CDH13: variants seen among roughly 807,000 people sequenced by gnomAD.
The protein encoded by CDH13 is cadherin-13.
Under a neutral mutation model 63.8 loss-of-function variants are expected in CDH13, and 24 were observed. The ratio of observed to expected loss-of-function variants is 0.38; its 90% CI spans 0.27 to 0.53. The LOEUF (loss-of-function observed/expected upper bound fraction) is 0.53. Among genes scored for constraint, CDH13 ranks in the 20% least tolerant of loss-of-function variants. The pLI is 0.85. For missense variants in CDH13, 1,049 were observed against 903.1 expected (o/e 1.16, Z -2.07); for synonymous variants, 503 against 355.3 (o/e 1.42, Z -4.67).
chr16:83,345,780 A>G (rs2090826530), intron 6 of CDH13, among the ~76,000 whole-genome samples: 1 of 152,228 alleles, frequency 6.6e-6, no homozygotes, highest in Admixed American at 6.5e-5. Flanking sequence ...TTTCAGCTTT[A>G]AAATACACTT....
rs565686072 is a variant in CDH13, at chr16:83,107,944, G to A, written c.367-17441G>A. 4.6e-5 allele frequency among the ~76,000 whole-genome samples: 7 copies of A among 151,778 alleles called. No homozygotes were observed. The East Asian group carries it at 5.9e-4, about 13-fold the overall frequency. On this transcript the variant is annotated intron_variant, in intron 3 of 13. Coordinates refer to ENST00000567109, the MANE Select transcript of CDH13 (RefSeq NM_001257.5). Reference sequence around the variant, plus strand: ...AAGCAATTCCCTGCCTCAGCCTCCCGATTAGCAGGAATTACAGGTGCCTGC... The same window carrying A: ...AAGCAATTCCCTGCCTCAGCCTCCCAATTAGCAGGAATTACAGGTGCCTGC...
At chr16:83,361,049 C>A (rs1268601686) in intron 6 of CDH13, among the ~76,000 whole-genome samples, 1 of 152,136 alleles carries the variant, frequency 6.6e-6, no homozygotes, top group Admixed American at 6.5e-5. Context: ...TTTACATTCC[C>A]ACGAACAGTA....
At chr16:83,434,845 A>ATGTGTGTGTGTG (rs1345655696) in intron 6 of CDH13, among the ~76,000 whole-genome samples, 4 of 80,780 alleles carry the variant, frequency 5.0e-5, no homozygotes, top group Non-Finnish European at 8.7e-5. Context: ...AAATATATAT[A>ATGTGTGTGTGTG]TATGTGTGTG....
intron 5 of CDH13, among the ~76,000 whole-genome samples, chr16:83,265,055 A>G (rs1370843023): frequency 6.6e-6 from 1 of 152,162 alleles, no homozygotes; most frequent in Non-Finnish European, 1.5e-5. Context: ...ATTTTTTATT[A>G]AATCCTATGC....
intron 1 of CDH13, among the ~76,000 whole-genome samples, chr16:82,855,276 A>G (rs1323485698): frequency 2.6e-5 from 4 of 152,184 alleles, no homozygotes. Flanking sequence ...ACACATAGAC[A>G]AAGATGGAGA....
intron 6 of CDH13, among the ~76,000 whole-genome samples, chr16:83,364,810 G>A (rs2151389612): frequency 6.6e-6 from 1 of 152,264 alleles, no homozygotes; most frequent in Non-Finnish European, 1.5e-5. Flanking sequence ...GTAAGAAATT[G>A]GTTCTTCCAA....
At chr16:83,483,466 C>T (rs1012834868) in intron 6 of CDH13, among the ~76,000 whole-genome samples, 58 of 147,044 alleles carry the variant, frequency 3.9e-4, no homozygotes, top group African/African-American at 1.3e-3. Flanking sequence ...CCTGAAAGGT[C>T]TTTTTTTTTT....
At chr16:83,709,625 A>G (rs1907701142) in intron 10 of CDH13, among the ~76,000 whole-genome samples, 6 of 152,240 alleles carry the variant, frequency 3.9e-5, no homozygotes, top group Admixed American at 3.9e-4. Flanking sequence ...TGCCATCCAC[A>G]GTGAGCCTCT....
At chr16:83,200,938 T>A (rs1220486099) in intron 4 of CDH13, among the ~76,000 whole-genome samples, 4 of 139,112 alleles carry the variant, frequency 2.9e-5, no homozygotes, top group African/African-American at 1.1e-4. Context: ...TGTGTGTGTG[T>A]GTGTGTGTGT....
intron 2 of CDH13, among the ~76,000 whole-genome samples, chr16:82,880,685 T>C (rs796524629): frequency 2.2e-4 from 34 of 152,308 alleles, no homozygotes; most frequent in African/African-American, 8.2e-4. Context: ...AAACATCTTA[T>C]AATTATAAAT....
chr16:82,634,303 G>A (rs542789451), intron 1 of CDH13, among the ~76,000 whole-genome samples: 5 of 152,352 alleles, frequency 3.3e-5, no homozygotes, highest in Admixed American at 1.3e-4. Flanking sequence ...TCAGGGAACC[G>A]CTTTCTTGTG....
intron 6 of CDH13, among the ~76,000 whole-genome samples, chr16:83,407,374 C>T (rs2092063554): frequency 6.6e-6 from 1 of 152,202 alleles, no homozygotes; most frequent in Admixed American, 6.5e-5. Flanking sequence ...ATGCCAAGTA[C>T]TGTGGTTAGC....
chr16:83,284,990 C>G (rs1369738274), intron 5 of CDH13, among the ~76,000 whole-genome samples: 1 of 152,190 alleles, frequency 6.6e-6, no homozygotes, highest in Non-Finnish European at 1.5e-5. Context: ...TATACACACT[C>G]TCCCTGCACA....
At chr16:83,060,732 A>G (rs896230642) in intron 3 of CDH13, among the ~76,000 whole-genome samples, 1 of 152,192 alleles carries the variant, frequency 6.6e-6, no homozygotes, top group Non-Finnish European at 1.5e-5. Flanking sequence ...TAGGATGCAC[A>G]GGTTTACATT....
intron 4 of CDH13, among the ~76,000 whole-genome samples, chr16:83,216,397 AATATATATAT>A (rs1158270310): frequency 4.0e-3 from 65 of 16,108 alleles, no homozygotes; most frequent in African/African-American, 6.7e-3. Context: ...CCAGCATTGA[AATATATATAT>A]ATATATATAT....
chr16:83,157,539 C>G (rs952074998), intron 4 of CDH13, among the ~76,000 whole-genome samples: 1 of 152,100 alleles, frequency 6.6e-6, no homozygotes, highest in African/African-American at 2.4e-5. Context: ...GGAACTAGAG[C>G]TTTCTTTTTA....
intron 5 of CDH13, among the ~76,000 whole-genome samples, chr16:83,303,102 T>G (rs569822382): frequency 6.6e-6 from 1 of 152,342 alleles, no homozygotes; most frequent in African/African-American, 2.4e-5. Flanking sequence ...CTCTTTTATC[T>G]GTCATCTTTG....
intron 6 of CDH13, among the ~76,000 whole-genome samples, chr16:83,445,308 G>A (rs372339715): frequency 5.7e-5 from 6 of 104,544 alleles, no homozygotes; most frequent in Admixed American, 8.9e-5. Context: ...ATTATAAAAG[G>A]TTTGCATCAT....
intron 4 of CDH13, among the ~76,000 whole-genome samples, chr16:83,153,570 C>G (rs1007937260): frequency 6.6e-6 from 1 of 152,186 alleles, no homozygotes; most frequent in African/African-American, 2.4e-5. Context: ...TTAGTTCAGC[C>G]TATGCCCAGG....
Sources: gnomAD v4.1 joint callset for allele counts (sites outside exome capture counted in the v4.1 genomes callset) on GRCh38, gnomAD v4.1.1 for gene constraint, MANE v1.5 for transcripts, NCBI Gene and HGNC (gene_info 2026-07-23, HGNC 2026-07-21) for gene names.